Variants in MUC6 observed in about 807,000 individuals in gnomAD.
The protein encoded by MUC6 is mucin-6.
MUC6 carries 188 observed loss-of-function variants against 201.5 expected under a neutral mutation model. The ratio of observed to expected loss-of-function variants is 0.93; its 90% CI spans 0.83 to 1.05. The LOEUF (loss-of-function observed/expected upper bound fraction) is 1.05. Among genes scored for constraint, MUC6 ranks in the 50% least tolerant of loss-of-function variants. MUC6 has a pLI of 0.00. For missense variants in MUC6, 2,706 were observed against 3,256.9 expected, an observed-to-expected ratio of 0.83 and a Z score of 4.12; for synonymous variants, 1,228 against 1,389.4, an observed-to-expected ratio of 0.88 and a Z score of 2.58.
intron 6 of MUC6, 82 bp from the exon 7 acceptor site, chr11:1,030,862 G>T: frequency 6.5e-7 from 1 of 1,528,232 alleles, no homozygotes; most frequent in Admixed American, 2.0e-5. Context: ...GGGCGTCTGT[G>T]ATGCGGCTGC....
chr11:1,036,504 TG>T, intron 1 of MUC6, 99 bp downstream of exon 1: 1 of 1,357,070 alleles, frequency 7.4e-7, no homozygotes. Flanking sequence ...AGCGTCCATG[TG>T]GGCCAGCCGA....
rs1856523703 is a variant in MUC6 at position 1,013,441 on chromosome 11, C to T, written c.*15G>A. On this transcript the variant is annotated 3_prime_UTR_variant, in exon 33 of 33. Transcript: ENST00000421673. ...CTGCAGTCCTTCAGCCCCAGGAGAG[C>T]AGGCAGCGACCCTGCTAGTCTCCAC... The T allele has an allele frequency of 1.9e-6, 3 of 1,562,476 alleles. No individual in the cohort carries two copies. The highest frequency in any genetic ancestry group is 2.4e-5 in the South Asian group (2 of 84,880).
Position 1,015,823 on chromosome 11 carries a change from A to C in MUC6, c.6978T>G (p.His2326Gln). 6.3e-7 allele frequency: 1 copy of C among 1,579,008 alleles called. No homozygotes were observed. Among genetic ancestry groups the C allele is most frequent in the East Asian group, 2.2e-5 (1 of 44,530 alleles). Residue 2326 changes from histidine to glutamine, a missense_variant, in exon 31 of 33, where the codon CAT becomes CAG. His to Gln is a conservative substitution (Grantham distance 24). Coordinates refer to ENST00000421673, the MANE Select transcript of MUC6 (RefSeq NM_005961.3). Reference protein sequence around the residue: ...TRFLTSSLTAHGSTPASAPVS... With the variant: ...TRFLTSSLTAQGSTPASAPVS... ...CCGGGGCAGAAGCAGGGGTGCTTCC[A>C]TGGGCAGTGAGGGAGCTGGTCAGGA...
intron 19 of MUC6, 29 bp downstream of exon 19, chr11:1,026,912 T>C: frequency 6.6e-7 from 1 of 1,523,752 alleles, no homozygotes; most frequent in Non-Finnish European, 8.9e-7. Context: ...GGCCCGGGCA[T>C]TGTCCCTGCT....
intron 25 of MUC6, 39 bp from the exon 26 acceptor site, chr11:1,023,691 C>T (rs375757892): frequency 5.1e-5 from 81 of 1,603,928 alleles, no homozygotes; most frequent in Non-Finnish European, 6.3e-5. Flanking sequence ...GGGTTCCTGG[C>T]CCTGGCCCTG....
rs1036803563 is a variant in MUC6 at position 1,033,650 on chromosome 11, C to T, written c.53-575G>A. ...TGTTGTCAGAGAAACATCCAGATAGCCCAGTCACGGTGACTCCAGGGCAGG... is the reference window on the plus strand; with the variant it reads ...TGTTGTCAGAGAAACATCCAGATAGTCCAGTCACGGTGACTCCAGGGCAGG... On this transcript the variant is annotated intron_variant, in intron 1 of 32. Coordinates refer to ENST00000421673, the MANE Select transcript of MUC6 (RefSeq NM_005961.3). This position sits in a 1 kb window ranked among gnomAD's most constrained non-coding sequence, Gnocchi z 5.6. 1.3e-5 allele frequency among the ~76,000 whole-genome samples: 2 copies of T among 152,110 alleles called. No individual in the cohort carries two copies. The highest frequency in any genetic ancestry group is 4.8e-5 in the African/African-American group (2 of 41,426).
intron 19 of MUC6, 134 bp downstream of exon 19, chr11:1,026,807 C>T (rs1357570141): frequency 2.0e-6 from 2 of 1,002,470 alleles, no homozygotes; most frequent in Non-Finnish European, 2.9e-6. Context: ...CACAGGGCCG[C>T]TTCCACCTCG....
intron 32 of MUC6, 56 bp from the exon 33 acceptor site, chr11:1,013,689 C>T (rs1856531966): frequency 2.6e-6 from 4 of 1,518,960 alleles, no homozygotes; most frequent in African/African-American, 1.4e-5. Flanking sequence ...CATAAGGCCC[C>T]TCCCTCCCCA....
Position 1,030,290 on chromosome 11 carries a change from G to T in MUC6, c.938C>A (p.Ser313Ter), listed in dbSNP as rs770748532. 6.5e-7 allele frequency: 1 copy of T among 1,549,498 alleles called. No individual in the cohort carries two copies. Among genetic ancestry groups the T allele is most frequent in the Non-Finnish European group, 8.7e-7 (1 of 1,146,874 alleles). Reference protein sequence around the residue: ...PANQVYQECGSACVKTCSNPQ... With the variant: ...PANQVYQECG ...GTTGGAGCAGGTCTTCACGCAGGCCGAGCCGCACTCCTGGTACACCTGGTT... is the reference window on the plus strand; with the variant it reads ...GTTGGAGCAGGTCTTCACGCAGGCCTAGCCGCACTCCTGGTACACCTGGTT... The change falls in exon 8 of 33, where the codon TCG (serine) becomes TAG (stop). Residue 313 changes from serine (S) to a stop codon, truncating the protein, a stop_gained. Transcript: ENST00000421673. LOFTEE classifies it high-confidence loss of function.
chr11:1,031,893 C>T lies in MUC6; in HGVS notation c.276G>A (p.Gly92=). 1 of 1,613,164 alleles carries T rather than the reference C, an allele frequency of 6.2e-7. No individual in the cohort carries two copies. The highest frequency in any genetic ancestry group is 2.2e-5 in the East Asian group (1 of 44,882). The part of the protein sequence containing the change: ...FSVQLRRGPD[G]SISRIIVELG... ...GCTCCACGATGATCCGCGAGATGCTCCCGTCTGGGCCTCGCCGCAGCTGGA... is the reference window on the plus strand; with the variant it reads ...GCTCCACGATGATCCGCGAGATGCTTCCGTCTGGGCCTCGCCGCAGCTGGA... Residue 92 remains glycine (G), a synonymous_variant, in exon 3 of 33, where the codon GGG becomes GGA. Coordinates refer to ENST00000421673, the MANE Select transcript of MUC6 (RefSeq NM_005961.3).
In MUC6 at chr11:1,023,882, C is replaced by T. The variant is rs533788641; in HGVS notation, c.3382+65G>A. ...GGGCCTGTGGGCAAGGGCAGCCCTG[C>T]GCCGGCCCTTAGTGGCGCTGGGTGG... On this transcript the variant is annotated intron_variant, in intron 25 of 32. Transcript: ENST00000421673. The T allele has an allele frequency of 3.8e-5, 60 of 1,564,458 alleles. 1 individual carries two copies. Among genetic ancestry groups the T allele is most frequent in the South Asian group, 2.5e-4 (21 of 84,808 alleles).
At chr11:1,030,542 C>A in intron 7 of MUC6, 31 bp downstream of exon 7, 1 of 1,469,758 alleles carries the variant, frequency 6.8e-7, no homozygotes. Context: ...CTCGGCCTTC[C>A]TGCCCCTCCC....
intron 1 of MUC6, among the ~76,000 whole-genome samples, 176 bp downstream of exon 1, chr11:1,036,428 G>A (rs955372944): frequency 2.6e-5 from 4 of 152,204 alleles, no homozygotes; most frequent in Non-Finnish European, 5.9e-5. Flanking sequence ...CACCGCGGCT[G>A]CTGGGGGGAC....
At position 1,015,953 on chromosome 11, in the gene MUC6, G is replaced by A. The variant is rs1249664990; in HGVS notation, c.6848C>T (p.Ser2283Leu). 1 of 1,593,774 alleles carries A rather than the reference G, an allele frequency of 6.3e-7. No individual in the cohort carries two copies. Among genetic ancestry groups the A allele is most frequent in the African/African-American group, 1.3e-5 (1 of 74,808 alleles). The change falls in exon 31 of 33, where the codon TCA becomes TTA. Residue 2283 changes from serine to leucine, a missense_variant. Ser to Leu is a moderately radical substitution (Grantham distance 145). Around this residue, in one of 10 missense-constraint regions of MUC6, gnomAD observed 586 missense variants for 488.0 expected, o/e 1.20. Transcript: ENST00000421673. ...STSLTTRVPT[S>L]GFVSLTSGVT... ...CCCCGAGGTGAGTGACACAAAGCCT[G>A]ATGTGGGAACTCGGGTGGTGAGAGA...
intron 30 of MUC6, among the ~76,000 whole-genome samples, 178 bp from the exon 31 acceptor site, chr11:1,018,948 C>G (rs1856746943): frequency 6.6e-6 from 1 of 152,196 alleles, no homozygotes; most frequent in South Asian, 2.1e-4. Context: ...CCTGGACTTG[C>G]TCCACATCCT....
chr11:1,026,767 A>G (rs1564841508), intron 19 of MUC6, among the ~76,000 whole-genome samples, 174 bp downstream of exon 19: 1 of 152,210 alleles, frequency 6.6e-6, no homozygotes, highest in Non-Finnish European at 1.5e-5. Flanking sequence ...AGCCCTGCAG[A>G]CGAGCCCCCG....
At position 1,030,715 on chromosome 11, in the gene MUC6, G is replaced by A. The variant is rs991428952; in HGVS notation, c.750C>T (p.Phe250=). The A allele has an allele frequency of 6.5e-6, 10 of 1,546,278 alleles. No individual in the cohort carries two copies. The African/African-American group carries it at 6.8e-5, about 11-fold the overall frequency. ...CCACGTCCGCCTGGCAGCTTAGCAC[G>A]AAGGGCTCCTTGGACACGCTGCACT... ...APECSVSKEP[F]VLSCQADVAA... is the part of the protein sequence containing the mutation. Residue 250 remains phenylalanine (F), a synonymous_variant, in exon 7 of 33, where the codon TTC becomes TTT. Transcript: ENST00000421673.
In MUC6 at chr11:1,015,966, G is replaced by A. The variant is rs190000983; in HGVS notation, c.6835C>T (p.Arg2279Ter). 17 of 1,593,298 alleles carry A rather than the reference G, an allele frequency of 1.1e-5. No homozygotes were observed. The highest frequency in any genetic ancestry group is 1.0e-4 in the Admixed American group (6 of 59,234). Residue 2279 changes from arginine to a stop codon, truncating the protein, a stop_gained, in exon 31 of 33, where the codon CGA becomes TGA. Coordinates refer to ENST00000421673, the MANE Select transcript of MUC6 (RefSeq NM_005961.3). LOFTEE classifies it high-confidence loss of function. ...GACACAAAGCCTGATGTGGGAACTC[G>A]GGTGGTGAGAGAAGTGGACCGCGAG... ...TTSRSTSLTT[R>*]VPTSGFVSLT...
intron 26 of MUC6, among the ~76,000 whole-genome samples, chr11:1,022,578 T>G (rs191626107): frequency 2.0e-5 from 3 of 152,216 alleles, no homozygotes; most frequent in Admixed American, 1.3e-4. Context: ...GCCTTTCTCC[T>G]CTCCATGGTG....
Sources: allele counts gnomAD v4.1 joint callset (sites outside exome capture counted in the v4.1 genomes callset), GRCh38; gene constraint gnomAD v4.1.1; regional missense constraint gnomAD v4.1.1; non-coding constraint Gnocchi (gnomAD v3.1); transcripts MANE v1.5; gene names NCBI Gene and HGNC (gene_info 2026-07-23, HGNC 2026-07-21).